CIMAP1D: variants seen among roughly 807,000 people sequenced by gnomAD.
CIMAP1D encodes the protein protein CIMAP1D.
chr19:475,567 T>C, the CIMAP1D span, among the ~76,000 whole-genome samples: 1 of 152,046 alleles, frequency 6.6e-6, no homozygotes, highest in African/African-American at 2.4e-5. Flanking sequence ...GCAGAGGCCC[T>C]GGGGCAGCGG....
chr19:463,729 A>G, the CIMAP1D span: 1 of 1,424,492 alleles, frequency 7.0e-7, no homozygotes, highest in South Asian at 1.3e-5. Flanking sequence ...AGTTCAGGAA[A>G]GGGGAGGGAA....
the CIMAP1D span, among the ~76,000 whole-genome samples, chr19:467,987 C>A: frequency 1.3e-5 from 2 of 152,158 alleles, no homozygotes; most frequent in South Asian, 4.1e-4. Context: ...AGTGATTCTG[C>A]TCTGCTGCTG....
chr19:488,872 G>C, the CIMAP1D span, among the ~76,000 whole-genome samples: 1 of 152,096 alleles, frequency 6.6e-6, no homozygotes, highest in African/African-American at 2.4e-5. Flanking sequence ...GCCCCGTGCC[G>C]GGCCCCACGC....
At chr19:485,337 T>G in the CIMAP1D span, among the ~76,000 whole-genome samples, 2 of 152,342 alleles carry the variant, frequency 1.3e-5, no homozygotes, top group African/African-American at 4.8e-5. Context: ...CCGAGCCCCG[T>G]GGCGCCCTGG....
chr19:484,139 C>CTTTTTTT, the CIMAP1D span, among the ~76,000 whole-genome samples: 94 of 129,442 alleles, frequency 7.3e-4, no homozygotes, highest in Non-Finnish European at 9.3e-4. Context: ...TTTTCTTTTT[C>CTTTTTTT]TTTTTTTTTT....
chr19:469,526 C>T, the CIMAP1D span, among the ~76,000 whole-genome samples: 1 of 152,024 alleles, frequency 6.6e-6, no homozygotes, highest in African/African-American at 2.4e-5. Flanking sequence ...CCTGTCTCTA[C>T]TAAAAATACA....
chr19:484,748 G>A, the CIMAP1D span, among the ~76,000 whole-genome samples: 1 of 152,206 alleles, frequency 6.6e-6, no homozygotes, highest in Non-Finnish European at 1.5e-5. Context: ...AGGGTGAGGA[G>A]GGGAGAGCAG....
the CIMAP1D span, among the ~76,000 whole-genome samples, chr19:485,390 G>A: frequency 1.8e-3 from 276 of 152,346 alleles, 2 homozygotes; most frequent in African/African-American, 5.8e-3. Flanking sequence ...CGCAGTGAGT[G>A]CCTGCTGAGC....
At chr19:491,403 C>T in the CIMAP1D span, among the ~76,000 whole-genome samples, 1 of 152,210 alleles carries the variant, frequency 6.6e-6, no homozygotes, top group Non-Finnish European at 1.5e-5. Flanking sequence ...TCTCTCGACG[C>T]GACGCCGTGT....
chr19:469,438 C>A, the CIMAP1D span, among the ~76,000 whole-genome samples: 1 of 152,148 alleles, frequency 6.6e-6, no homozygotes, highest in Non-Finnish European at 1.5e-5. Flanking sequence ...GCCTGTCATC[C>A]CAGCACTTTG....
chr19:475,015 A>C, the CIMAP1D span: 19 of 367,010 alleles, frequency 5.2e-5, no homozygotes, highest in East Asian at 7.6e-4. Flanking sequence ...TCCAGGAAAG[A>C]GTCCGGTGTC....
chr19:474,504 A>G, the CIMAP1D span: 21 of 1,102,324 alleles, frequency 1.9e-5, no homozygotes, highest in Non-Finnish European at 2.5e-5. Flanking sequence ...GGGGAAGGGC[A>G]AGGACTTGCC....
chr19:468,942 C>T, the CIMAP1D span, among the ~76,000 whole-genome samples: 1 of 140,010 alleles, frequency 7.1e-6, no homozygotes, highest in Admixed American at 7.3e-5. Context: ...TCCAGACCTC[C>T]CCGAAACGTC....
chr19:469,544 G>T, the CIMAP1D span, among the ~76,000 whole-genome samples: 1 of 152,046 alleles, frequency 6.6e-6, no homozygotes, highest in South Asian at 2.1e-4. Flanking sequence ...ACAAAAATTA[G>T]CCGGGCGTGG....
the CIMAP1D span, chr19:489,078 A>C: frequency 6.6e-6 from 1 of 152,118 alleles, no homozygotes; most frequent in Admixed American, 6.5e-5. Context: ...GCTCCGCGGC[A>C]TGGCGGGAGT....
At chr19:469,727 A>G in the CIMAP1D span, among the ~76,000 whole-genome samples, 1,029 of 151,608 alleles carry the variant, frequency 6.8e-3, 10 homozygotes, top group Non-Finnish European at 0.012. Context: ...ATCCCTGGTC[A>G]TAATCCCATC....
chr19:464,323 T>C, the CIMAP1D span: 10 of 1,539,348 alleles, frequency 6.5e-6, no homozygotes, highest in Middle Eastern at 5.1e-4. Flanking sequence ...GGGGGCACCT[T>C]CTCTGGGCTG....
chr19:478,715 A>G, the CIMAP1D span, among the ~76,000 whole-genome samples: 1 of 152,276 alleles, frequency 6.6e-6, no homozygotes, highest in African/African-American at 2.4e-5. Flanking sequence ...AAAAAAAGGG[A>G]GGCTGGACCG....
the CIMAP1D span, among the ~76,000 whole-genome samples, chr19:473,446 T>C: frequency 1.1e-5 from 1 of 88,468 alleles, no homozygotes; most frequent in Non-Finnish European, 2.4e-5. Flanking sequence ...CGATCACAGA[T>C]GGGGAGACTG....
Sources: gnomAD v4.1 joint callset for allele counts (sites outside exome capture counted in the v4.1 genomes callset) on GRCh38, gnomAD v4.1.1 for gene constraint, MANE v1.5 for transcripts, NCBI Gene and HGNC (gene_info 2026-07-23, HGNC 2026-07-21) for gene names.